Variants in LSAMP observed in about 807,000 individuals in gnomAD.
LSAMP encodes limbic system-associated membrane protein.
Under a neutral mutation model 38.6 loss-of-function variants are expected in LSAMP, and 7 were observed. The observed-to-expected ratio is 0.18, with a 90% confidence interval of 0.10 to 0.34. The LOEUF (loss-of-function observed/expected upper bound fraction) is 0.34. LSAMP is among the 10% of genes least tolerant of loss of function. The probability of loss-of-function intolerance (pLI) is 1.00; values close to 1 mark genes in which losing one functional copy is unlikely to be tolerated. For missense variants in LSAMP, 313 were observed against 420.0 expected (o/e 0.75, Z 2.23); for synonymous variants, 154 against 166.8 (o/e 0.92, Z 0.59).
chr3:116,263,404 G>T (rs550483811), intron 1 of LSAMP, among the ~76,000 whole-genome samples: 1 of 152,064 alleles, frequency 6.6e-6, no homozygotes, highest in African/African-American at 2.4e-5. Flanking sequence ...CGGGCATGGC[G>T]GTGCATGCCT....
intron 3 of LSAMP, among the ~76,000 whole-genome samples, chr3:115,998,066 C>A (rs1370248818): frequency 1.4e-5 from 2 of 146,500 alleles, no homozygotes; most frequent in African/African-American, 2.6e-5. Context: ...ACCTTCCTGG[C>A]TGTGACAATC....
intron 1 of LSAMP, among the ~76,000 whole-genome samples, chr3:116,285,267 A>T (rs2107686195): frequency 6.6e-6 from 1 of 152,260 alleles, no homozygotes; most frequent in South Asian, 2.1e-4. Flanking sequence ...ATGGAATAAA[A>T]TCACAACTTC....
At chr3:116,068,668 CAT>C (rs1707521259) in intron 2 of LSAMP, among the ~76,000 whole-genome samples, 1 of 152,074 alleles carries the variant, frequency 6.6e-6, no homozygotes, top group Non-Finnish European at 1.5e-5. Context: ...GATGAAGAAT[CAT>C]AATGAATAAA....
chr3:116,248,868 C>A (rs1289821844), intron 1 of LSAMP, among the ~76,000 whole-genome samples: 1 of 152,100 alleles, frequency 6.6e-6, no homozygotes, highest in Non-Finnish European at 1.5e-5. Flanking sequence ...GACTAAACTG[C>A]CAGGCGCGGT....
At chr3:116,391,628 G>T (rs962070354) in intron 1 of LSAMP, among the ~76,000 whole-genome samples, 1 of 151,352 alleles carries the variant, frequency 6.6e-6, no homozygotes, top group Admixed American at 6.6e-5. Flanking sequence ...GCTGAACCAG[G>T]GCAGTGCCAC....
At chr3:116,204,233 CT>C (rs2046031744) in intron 1 of LSAMP, among the ~76,000 whole-genome samples, 1 of 150,982 alleles carries the variant, frequency 6.6e-6, no homozygotes, top group South Asian at 2.1e-4. Context: ...CCTTCGCCCA[CT>C]TTTTGATGGG....
chr3:116,185,007 A>G (rs1576418292), intron 1 of LSAMP, among the ~76,000 whole-genome samples: 1 of 116,638 alleles, frequency 8.6e-6, no homozygotes, highest in African/African-American at 3.3e-5. Flanking sequence ...TTAACTGCAG[A>G]TTTTTTCTTT....
intron 1 of LSAMP, among the ~76,000 whole-genome samples, chr3:116,130,682 TTAAG>T (rs1709105858): frequency 3.3e-5 from 5 of 152,210 alleles, no homozygotes; most frequent in African/African-American, 1.2e-4. Flanking sequence ...CTCCCTATTT[TTAAG>T]TATTTTGTAA....
At chr3:116,113,922 T>C (rs1027695218) in intron 1 of LSAMP, among the ~76,000 whole-genome samples, 1 of 152,208 alleles carries the variant, frequency 6.6e-6, no homozygotes, top group Non-Finnish European at 1.5e-5. Context: ...GTCTCAGGAA[T>C]ACTCGGAGGA....
intron 2 of LSAMP, among the ~76,000 whole-genome samples, chr3:116,059,536 A>C (rs1941553990): frequency 6.6e-6 from 1 of 152,150 alleles, no homozygotes; most frequent in Non-Finnish European, 1.5e-5. Context: ...TTTCCACACC[A>C]AACACCATGG....
intron 3 of LSAMP, among the ~76,000 whole-genome samples, chr3:116,004,484 A>ACATG (rs1940095339): frequency 6.7e-6 from 1 of 150,040 alleles, no homozygotes. Context: ...TATTATGCAT[A>ACATG]CATACATGAA....
At chr3:116,240,794 A>T (rs2046522547) in intron 1 of LSAMP, among the ~76,000 whole-genome samples, 1 of 152,220 alleles carries the variant, frequency 6.6e-6, no homozygotes, top group South Asian at 2.1e-4. Flanking sequence ...TTCTCAAGAG[A>T]GCTGATAAAA....
At chr3:115,990,736 C>T (rs1436188332) in intron 3 of LSAMP, among the ~76,000 whole-genome samples, 1 of 152,010 alleles carries the variant, frequency 6.6e-6, no homozygotes, top group African/African-American at 2.4e-5. Context: ...TTGTCTAATA[C>T]CTGTCACACT....
chr3:116,066,898 C>A (rs1707463622), intron 2 of LSAMP, among the ~76,000 whole-genome samples: 1 of 152,092 alleles, frequency 6.6e-6, no homozygotes, highest in African/African-American at 2.4e-5. Flanking sequence ...ATCCAATGTG[C>A]CTGCCCCCAT....
intron 1 of LSAMP, among the ~76,000 whole-genome samples, chr3:116,261,673 G>A (rs1239285246): frequency 6.6e-6 from 1 of 151,980 alleles, no homozygotes; most frequent in Non-Finnish European, 1.5e-5. Flanking sequence ...TGAAGACTAA[G>A]TTCTTCAAAA....
chr3:116,211,507 A>G (rs985128665), intron 1 of LSAMP, among the ~76,000 whole-genome samples: 1 of 152,234 alleles, frequency 6.6e-6, no homozygotes, highest in African/African-American at 2.4e-5. Context: ...TAAAGCAATA[A>G]CCAAGACTCT....
chr3:116,400,766 C>T (rs141826125), intron 1 of LSAMP, among the ~76,000 whole-genome samples: 1 of 152,136 alleles, frequency 6.6e-6, no homozygotes, highest in Admixed American at 6.5e-5. Context: ...CGTGAGCCAC[C>T]ACTCCCGGCC....
chr3:116,221,666 T>C (rs944388971), intron 1 of LSAMP, among the ~76,000 whole-genome samples: 1 of 152,208 alleles, frequency 6.6e-6, no homozygotes, highest in Non-Finnish European at 1.5e-5. Context: ...ATACCATTGA[T>C]ATATGCAATA....
chr3:116,174,335 C>A (rs1710282248), intron 1 of LSAMP, among the ~76,000 whole-genome samples: 1 of 151,952 alleles, frequency 6.6e-6, no homozygotes, highest in Non-Finnish European at 1.5e-5. Flanking sequence ...CTTTGGGAAG[C>A]AGCCGCCATA....
Sources: gnomAD v4.1 joint callset for allele counts (sites outside exome capture counted in the v4.1 genomes callset) on GRCh38, gnomAD v4.1.1 for gene constraint, MANE v1.5 for transcripts, NCBI Gene and HGNC (gene_info 2026-07-23, HGNC 2026-07-21) for gene names.